CACNA1G: variants seen among roughly 807,000 people sequenced by gnomAD.
The protein encoded by CACNA1G is calcium voltage-gated channel subunit alpha1 G.
A neutral mutation model predicts 219.4 loss-of-function variants in CACNA1G; 67 were observed. That is an observed-to-expected ratio of 0.31 (90% confidence interval 0.25 to 0.37). The LOEUF is 0.37. CACNA1G is among the 10% of genes least tolerant of loss of function. CACNA1G has a pLI of 1.00. For synonymous variants in CACNA1G, 1,296 were observed against 1,345.3 expected (o/e 0.96, Z 0.80); for missense variants, 2,380 against 3,231.4 (o/e 0.74, Z 6.39).
At chr17:50,605,315 T>G (rs1009338061) in intron 22 of CACNA1G, among the ~76,000 whole-genome samples, 2 of 152,188 alleles carry the variant, frequency 1.3e-5, no homozygotes, top group African/African-American at 4.8e-5. Context: ...GGGTTCGAGC[T>G]CCCTTTCTGC....
chr17:50,598,637 A>G (rs1023515800), intron 16 of CACNA1G, among the ~76,000 whole-genome samples: 4 of 152,232 alleles, frequency 2.6e-5, no homozygotes, highest in African/African-American at 4.8e-5. Context: ...CACTTTCATA[A>G]TAGCCAATCC....
chr17:50,618,373 G>A lies in CACNA1G; in HGVS notation c.5427+30G>A, dbSNP rs1465729875. The A allele has an allele frequency of 1.2e-6, 2 of 1,605,210 alleles. No homozygotes were observed. The highest frequency in any genetic ancestry group is 1.7e-5 in the Admixed American group (1 of 59,406). On this transcript the variant is annotated intron_variant, in intron 32 of 37. Coordinates refer to ENST00000359106, the MANE Select transcript of CACNA1G (RefSeq NM_018896.5). This position sits in a 1 kb window ranked among gnomAD's most constrained non-coding sequence, Gnocchi z 5.3. ...GGGCCCAGGGTTGGCCTAGGCTCCAGGGAGGCAGCCCCACTTCCTGAGCTA... is the reference window on the plus strand; with the variant it reads ...GGGCCCAGGGTTGGCCTAGGCTCCAAGGAGGCAGCCCCACTTCCTGAGCTA...
chr17:50,580,225 C>T (rs938416895), intron 9 of CACNA1G, among the ~76,000 whole-genome samples: 4 of 152,312 alleles, frequency 2.6e-5, no homozygotes, highest in African/African-American at 9.6e-5. Context: ...CTCTGCCAGC[C>T]TCCCAGGGAG....
rs779093004 is a variant in CACNA1G, at chr17:50,596,531, T to G, written c.2980-31T>G. 2.9e-5 allele frequency: 47 copies of G among 1,597,476 alleles called. No individual in the cohort carries two copies. In the African/African-American group the frequency reaches 5.6e-4, roughly 19 times the overall value. ...TCCCAACCACCCAAGCCTGGCCGGATCCCTAATGGTCCGCTGCTCCCCTGC... is the reference window on the plus strand; with the variant it reads ...TCCCAACCACCCAAGCCTGGCCGGAGCCCTAATGGTCCGCTGCTCCCCTGC... On this transcript the variant is annotated intron_variant, in intron 14 of 37. Coordinates refer to ENST00000359106, the MANE Select transcript of CACNA1G (RefSeq NM_018896.5). This position sits in a 1 kb window ranked among gnomAD's most constrained non-coding sequence, Gnocchi z 4.8.
rs1388582657 is a variant in CACNA1G, at chr17:50,571,139, T to A, written c.587-739T>A. Among the ~76,000 whole-genome samples, 2 of 152,200 alleles carry A rather than the reference T, an allele frequency of 1.3e-5. No homozygotes were observed. Among genetic ancestry groups the A allele is most frequent in the East Asian group, 1.9e-4 (1 of 5,194 alleles). ...GTGGCTTTCCCTATGGAGGGGGTTG[T>A]AAATTGATGGACTTCTGAGAAGACA... On this transcript the variant is annotated intron_variant, in intron 4 of 37. Transcript: ENST00000359106. This position sits in a 1 kb window ranked among gnomAD's most constrained non-coding sequence, Gnocchi z 4.3.
Position 50,573,002 on chromosome 17 carries a change from G to A in CACNA1G, c.1048-19G>A. 6.4e-7 allele frequency: 1 copy of A among 1,572,126 alleles called. No individual in the cohort carries two copies. Among genetic ancestry groups the A allele is most frequent in the Non-Finnish European group, 8.6e-7 (1 of 1,156,354 alleles). ...GATTTGGTGGGCCCATAGTCAGCCT[G>A]CCCCTCTGCACCCCCTAGGTCATCA... is the stretch of plus-strand genomic sequence containing the variant. On this transcript the variant is annotated intron_variant, in intron 6 of 37. Coordinates refer to ENST00000359106, the MANE Select transcript of CACNA1G (RefSeq NM_018896.5).
At position 50,571,204 on chromosome 17, in the gene CACNA1G, C is replaced by CAAGCAGGGAATAGTTTCAGGG. The variant is rs2039371001; in HGVS notation, c.587-665_587-645dup. On this transcript the variant is annotated intron_variant, in intron 4 of 37. Coordinates refer to ENST00000359106, the MANE Select transcript of CACNA1G (RefSeq NM_018896.5). The surrounding 1 kb of genome is among the most constrained non-coding windows in gnomAD (Gnocchi z 4.3). Reference sequence around the variant, plus strand: ...CAGGTCCTGATTTGGGGATCTGGACCAAGCAGGGAATAGTTTCAGGGAAGC... The same window carrying CAAGCAGGGAATAGTTTCAGGG: ...CAGGTCCTGATTTGGGGATCTGGACCAAGCAGGGAATAGTTTCAGGGAAGCAGGGAATAGTTTCAGGGAAGC... Among the ~76,000 whole-genome samples the CAAGCAGGGAATAGTTTCAGGG allele has an allele frequency of 6.6e-6, 1 of 152,166 alleles. No individual in the cohort carries two copies. The highest frequency in any genetic ancestry group is 2.4e-5 in the African/African-American group (1 of 41,440).
Position 50,624,044 on chromosome 17 carries a change from C to T in CACNA1G, c.6198C>T (p.His2066=), listed in dbSNP as rs373363141. 6.2e-7 allele frequency: 1 copy of T among 1,612,376 alleles called. No homozygotes were observed. Among genetic ancestry groups the T allele is most frequent in the Non-Finnish European group, 8.5e-7 (1 of 1,179,626 alleles). The change falls in exon 36 of 38, where the codon CAC becomes CAT. Residue 2066 remains histidine, a synonymous_variant. Transcript: ENST00000359106. ...GCACTGCCGAGGGGCCCCTGGGACACAGGGGCTGGGGGCTCCCCAAAGCTC... is the reference window on the plus strand; with the variant it reads ...GCACTGCCGAGGGGCCCCTGGGACATAGGGGCTGGGGGCTCCCCAAAGCTC... ...HGSTAEGPLG[H]RGWGLPKAQS... is the part of the protein sequence containing the mutation.
At chr17:50,591,907 T>C in intron 12 of CACNA1G, 30 bp from the exon 13 acceptor site, 2 of 1,613,948 alleles carry the variant, frequency 1.2e-6, no homozygotes, top group South Asian at 1.1e-5. Context: ...GCCCCTAGTA[T>C]AGGCCCTGAT....
chr17:50,576,431 C>T (rs1567998885), intron 8 of CACNA1G, 105 bp downstream of exon 8: 3 of 1,104,692 alleles, frequency 2.7e-6, no homozygotes, highest in Non-Finnish European at 4.0e-6. Flanking sequence ...GGCTTATATT[C>T]TCATGCTGCC....
At chr17:50,572,922 T>A in intron 6 of CACNA1G, 68 bp downstream of exon 6, 1 of 1,579,042 alleles carries the variant, frequency 6.3e-7, no homozygotes, top group African/African-American at 1.3e-5. Flanking sequence ...AGGATCGGAG[T>A]GGTCGCTCTC....
At chr17:50,622,318 C>T (rs1236593921) in intron 35 of CACNA1G, among the ~76,000 whole-genome samples, 1 of 152,106 alleles carries the variant, frequency 6.6e-6, no homozygotes, top group Non-Finnish European at 1.5e-5. Context: ...TGTGTCCCTG[C>T]GTCTTCACCA....
rs2046255696 is a variant in CACNA1G, at chr17:50,599,826, G to A, written c.3657G>A (p.Leu1219=). 6.2e-7 allele frequency: 1 copy of A among 1,610,650 alleles called. No homozygotes were observed. Among genetic ancestry groups the A allele is most frequent in the Non-Finnish European group, 8.5e-7 (1 of 1,179,772 alleles). ...ARALRPDDPP[L]DGDDADDEGN... is the part of the protein sequence containing the mutation. ...CCCTGCGGCCTGATGACCCCCCACT[G>A]GATGGGGATGACGCCGATGACGAGG... is the stretch of plus-strand genomic sequence containing the variant. The change falls in exon 17 of 38, where the codon CTG becomes CTA. Residue 1219 remains leucine, a synonymous_variant. Coordinates refer to ENST00000359106, the MANE Select transcript of CACNA1G (RefSeq NM_018896.5).
At position 50,569,023 on chromosome 17, in the gene CACNA1G, G is replaced by A. The variant is rs770271368; in HGVS notation, c.354+42G>A. The A allele has an allele frequency of 2.6e-6, 4 of 1,554,106 alleles. No homozygotes were observed. The African/African-American group carries it at 5.5e-5, about 21-fold the overall frequency. On this transcript the variant is annotated intron_variant, in intron 2 of 37. Transcript: ENST00000359106. ...GTGTGTGTGTGTGTGTGTTGTGTGTGTTGGGGGTTGGCCCCTCTTAATCTT... is the reference window on the plus strand; with the variant it reads ...GTGTGTGTGTGTGTGTGTTGTGTGTATTGGGGGTTGGCCCCTCTTAATCTT...
At chr17:50,590,290 G>T (rs2044007750) in intron 9 of CACNA1G, among the ~76,000 whole-genome samples, 181 bp from the exon 10 acceptor site, 1 of 152,100 alleles carries the variant, frequency 6.6e-6, no homozygotes, top group South Asian at 2.1e-4. Flanking sequence ...CCCTGCCCCT[G>T]GGTGCATTTC....
rs1421899138 is a variant in CACNA1G at position 50,561,060 on chromosome 17, C to G, written c.-400C>G. The G allele has an allele frequency of 1.6e-5, 6 of 370,036 alleles. No homozygotes were observed. Among genetic ancestry groups the G allele is most frequent in the African/African-American group, 2.3e-5 (1 of 44,234 alleles). The allele number at this position is 370,036 out of a possible 1,614,324, so 22.9% of individuals were successfully genotyped here. ...CCGCGGGAAGAGGGGGCGCCCCTCC[C>G]CGGACCCCCGCCCTCCGCCGCTGCC... On this transcript the variant is annotated 5_prime_UTR_variant, in exon 1 of 38. Transcript: ENST00000359106.
Position 50,621,884 on chromosome 17 carries a change from CCGCCTCCTCT to C in CACNA1G, c.6060+92_6060+101del. ...GATCGGCCCAGGGAGGGTCCTGGGG[CCGCCTCCTCT>C]CAGTTTGCTGCCAGGCTCCACCCAG... On this transcript the variant is annotated intron_variant, in intron 35 of 37. Coordinates refer to ENST00000359106, the MANE Select transcript of CACNA1G (RefSeq NM_018896.5). This position sits in a 1 kb window ranked among gnomAD's most constrained non-coding sequence, Gnocchi z 4.6. 4 of 1,425,306 alleles carry C rather than the reference CCGCCTCCTCT, an allele frequency of 2.8e-6. No homozygotes were observed. Among genetic ancestry groups the C allele is most frequent in the Non-Finnish European group, 3.9e-6 (4 of 1,032,450 alleles). The allele number at this position is 1,425,306 out of a possible 1,614,324, so 88.3% of individuals were successfully genotyped here.
At chr17:50,582,614 G>T (rs1377277557) in intron 9 of CACNA1G, among the ~76,000 whole-genome samples, 1 of 152,180 alleles carries the variant, frequency 6.6e-6, no homozygotes, top group African/African-American at 2.4e-5. Flanking sequence ...GCCTGGCTCT[G>T]CACTGGGGCC....
intron 33 of CACNA1G, 92 bp downstream of exon 33, chr17:50,619,100 A>T (rs574813872): frequency 1.0e-6 from 1 of 983,434 alleles, no homozygotes; most frequent in Admixed American, 2.9e-5. Flanking sequence ...CAGCACACAA[A>T]CCCTAGGCTC....
Sources: gnomAD v4.1 joint callset for allele counts (sites outside exome capture counted in the v4.1 genomes callset) on GRCh38, gnomAD v4.1.1 for gene constraint, Gnocchi (gnomAD v3.1) non-coding constraint, MANE v1.5 for transcripts, NCBI Gene and HGNC (gene_info 2026-07-23, HGNC 2026-07-21) for gene names.